TMEFF2: variants seen among roughly 807,000 people sequenced by gnomAD.
TMEFF2 encodes the protein tomoregulin-2.
A neutral mutation model predicts 53.8 loss-of-function variants in TMEFF2; 28 were observed. The ratio of observed to expected loss-of-function variants is 0.52; its 90% CI spans 0.39 to 0.71. TMEFF2 has a LOEUF of 0.71. Among genes scored for constraint, TMEFF2 ranks in the 30% least tolerant of loss-of-function variants. The pLI is 0.00. For synonymous variants in TMEFF2, 162 were observed against 166.3 expected, an observed-to-expected ratio of 0.97 and a Z score of 0.20; for missense variants, 353 against 455.2, an observed-to-expected ratio of 0.78 and a Z score of 2.04.
Position 192,184,252 on chromosome 2 carries a change from C to T in TMEFF2, c.412+102G>A, listed in dbSNP as rs770914903. The T allele has an allele frequency of 6.6e-4, 927 of 1,402,798 alleles. 2 individuals are homozygous for T. The highest frequency in any genetic ancestry group is 8.1e-4 in the Non-Finnish European group (833 of 1,024,486). 86.9% of individuals were successfully genotyped at this position (1,402,798 alleles called of 1,614,324 possible). On this transcript the variant is annotated intron_variant, in intron 3 of 9. Transcript: ENST00000272771. ...AAAACAATACGGCTTGTCTAGTCAACATATAATCTGAATTATTTATTGGGA... is the reference window on the plus strand; with the variant it reads ...AAAACAATACGGCTTGTCTAGTCAATATATAATCTGAATTATTTATTGGGA...
chr2:191,997,922 T>C (rs1686261477), intron 7 of TMEFF2, among the ~76,000 whole-genome samples: 1 of 151,910 alleles, frequency 6.6e-6, no homozygotes, highest in Non-Finnish European at 1.5e-5. Flanking sequence ...CAAGAACATT[T>C]GCATTTATTA....
intron 5 of TMEFF2, chr2:192,044,367 A>T (rs1326190149): frequency 2.0e-5 from 3 of 152,182 alleles, no homozygotes; most frequent in Non-Finnish European, 4.4e-5. Context: ...TCTAGGGGTC[A>T]GTATGTGGAG....
chr2:192,046,363 C>G (rs1687621561), intron 5 of TMEFF2, among the ~76,000 whole-genome samples: 1 of 150,326 alleles, frequency 6.7e-6, no homozygotes, highest in Non-Finnish European at 1.5e-5. Context: ...GACACTGTCT[C>G]AAAGAAAAAA....
At chr2:192,191,060 G>A (rs1413741048) in intron 2 of TMEFF2, among the ~76,000 whole-genome samples, 2 of 152,106 alleles carry the variant, frequency 1.3e-5, no homozygotes, top group Non-Finnish European at 2.9e-5. Flanking sequence ...GCTACTTGAA[G>A]TTCTGCATGA....
chr2:192,071,400 G>C (rs1460631228), intron 4 of TMEFF2, among the ~76,000 whole-genome samples: 1 of 151,776 alleles, frequency 6.6e-6, no homozygotes, highest in Non-Finnish European at 1.5e-5. Flanking sequence ...TACAAGATGA[G>C]GCTAAGTGGC....
intron 4 of TMEFF2, among the ~76,000 whole-genome samples, chr2:192,159,033 A>T: frequency 6.6e-6 from 1 of 152,156 alleles, no homozygotes; most frequent in Middle Eastern, 3.4e-3. Context: ...CACTCTCTCA[A>T]AGGACTAGAA....
intron 4 of TMEFF2, among the ~76,000 whole-genome samples, chr2:192,111,791 G>A (rs1308561553): frequency 6.6e-6 from 1 of 152,176 alleles, no homozygotes; most frequent in African/African-American, 2.4e-5. Flanking sequence ...CCCCTGCTAT[G>A]TGCAGGCTAG....
intron 5 of TMEFF2, among the ~76,000 whole-genome samples, chr2:192,018,710 G>T (rs1686795579): frequency 6.6e-6 from 1 of 152,072 alleles, no homozygotes; most frequent in Non-Finnish European, 1.5e-5. Flanking sequence ...ATATTTTCAG[G>T]CAGCAAAAGT....
chr2:192,108,170 T>C (rs953565867), intron 4 of TMEFF2, among the ~76,000 whole-genome samples: 1 of 151,834 alleles, frequency 6.6e-6, no homozygotes, highest in Admixed American at 6.6e-5. Context: ...ATATTTTCCA[T>C]AGACAAATTA....
At chr2:192,080,820 T>C (rs559341124) in intron 4 of TMEFF2, among the ~76,000 whole-genome samples, 1 of 152,228 alleles carries the variant, frequency 6.6e-6, no homozygotes, top group Non-Finnish European at 1.5e-5. Context: ...CATCTTCTGC[T>C]TCTCATTATG....
At chr2:192,125,666 A>T (rs1574395182) in intron 4 of TMEFF2, among the ~76,000 whole-genome samples, 1 of 152,244 alleles carries the variant, frequency 6.6e-6, no homozygotes, top group East Asian at 1.9e-4. Flanking sequence ...TGTGGTACAT[A>T]AGCACCATGG....
chr2:192,094,879 GAAC>G (rs1231708430), intron 4 of TMEFF2, among the ~76,000 whole-genome samples: 1 of 152,080 alleles, frequency 6.6e-6, no homozygotes, highest in Non-Finnish European at 1.5e-5. Context: ...AAATAATATA[GAAC>G]AATTAGTTTT....
At chr2:192,175,819 G>A (rs1691027153) in intron 4 of TMEFF2, among the ~76,000 whole-genome samples, 1 of 151,228 alleles carries the variant, frequency 6.6e-6, no homozygotes, top group South Asian at 2.1e-4. Flanking sequence ...TATTTTGATA[G>A]TTAAAATATG....
At chr2:191,971,882 C>G (rs1233675288) in intron 7 of TMEFF2, among the ~76,000 whole-genome samples, 1 of 151,882 alleles carries the variant, frequency 6.6e-6, no homozygotes, top group Non-Finnish European at 1.5e-5. Flanking sequence ...AGAATAGTAG[C>G]GTGGGATACT....
At chr2:191,980,109 G>A (rs145572796) in intron 7 of TMEFF2, among the ~76,000 whole-genome samples, 233 of 152,200 alleles carry the variant, frequency 1.5e-3, no homozygotes, top group African/African-American at 5.2e-3. Flanking sequence ...GCATTTACAG[G>A]GAGGAGCAAG....
At chr2:192,105,932 C>T (rs1689135191) in intron 4 of TMEFF2, among the ~76,000 whole-genome samples, 1 of 151,724 alleles carries the variant, frequency 6.6e-6, no homozygotes, top group African/African-American at 2.4e-5. Flanking sequence ...CTACTGTTGC[C>T]AAAAGAAATT....
rs141219001 is a variant in TMEFF2, at chr2:191,980,318, G to A, written c.745+17944C>T. 1.6e-3 allele frequency among the ~76,000 whole-genome samples: 249 copies of A among 152,302 alleles called. No homozygotes were observed. The Middle Eastern group carries it at 0.044, about 27-fold the overall frequency. On this transcript the variant is annotated intron_variant, in intron 7 of 9. Transcript: ENST00000272771. Reference sequence around the variant, plus strand: ...GCAGCCCTACCCTGGAAGGTGTGAAGGGCAGGCCAGGAGACGATGAGGAAG... The same window carrying A: ...GCAGCCCTACCCTGGAAGGTGTGAAAGGCAGGCCAGGAGACGATGAGGAAG...
chr2:192,098,613 T>C (rs1181013560), intron 4 of TMEFF2, among the ~76,000 whole-genome samples: 1 of 152,196 alleles, frequency 6.6e-6, no homozygotes, highest in East Asian at 1.9e-4. Flanking sequence ...AGCCATCTGC[T>C]GCTCGTCTCT....
At chr2:192,065,467 A>G (rs189236200) in intron 4 of TMEFF2, among the ~76,000 whole-genome samples, 8 of 151,958 alleles carry the variant, frequency 5.3e-5, no homozygotes, top group Admixed American at 5.3e-4. Context: ...TACTGGTTCT[A>G]CACTCATTTA....
Sources: gnomAD v4.1 joint callset for allele counts (sites outside exome capture counted in the v4.1 genomes callset) on GRCh38, gnomAD v4.1.1 for gene constraint, MANE v1.5 for transcripts, NCBI Gene and HGNC (gene_info 2026-07-23, HGNC 2026-07-21) for gene names.